KLF8: variants seen among roughly 807,000 people sequenced by gnomAD.
The protein encoded by KLF8 is Krueppel-like factor 8.
A neutral mutation model predicts 18.2 loss-of-function variants in KLF8; 10 were observed. The observed-to-expected ratio is 0.55, with a 90% confidence interval of 0.34 to 0.93. The LOEUF is 0.93. Ranked by LOEUF, KLF8 falls within the 40% of genes least tolerant of loss-of-function variation. KLF8 has a pLI of 0.02. For synonymous variants in KLF8, 109 were observed against 97.3 expected (o/e 1.12, Z -0.71); for missense variants, 264 against 277.9 (o/e 0.95, Z 0.36).
chrX:56,047,901 G>A, the KLF8 span, among the ~76,000 whole-genome samples: 30 of 111,431 alleles, frequency 2.7e-4, no homozygotes, highest in African/African-American at 7.5e-4. Flanking sequence ...AAGTGTTCCT[G>A]TTTCTCCACA....
rs1043445317 is a variant in KLF8, at chrX:56,254,326, C to G, written c.81+4022C>G. 3.6e-5 allele frequency among the ~76,000 whole-genome samples: 4 copies of G among 111,758 alleles called. No homozygotes were observed. The East Asian group carries it at 1.1e-3, about 32-fold the overall frequency. Reference sequence around the variant, plus strand: ...CCCTTGTGGGAGGGGAATCACAGGTCAGTGGGTGCAGGAGCTGGGGTGAGT... The same window carrying G: ...CCCTTGTGGGAGGGGAATCACAGGTGAGTGGGTGCAGGAGCTGGGGTGAGT... On this transcript the variant is annotated intron_variant, in intron 2 of 5. Coordinates refer to ENST00000468660, the MANE Select transcript of KLF8 (RefSeq NM_007250.5).
upstream of KLF8, among the ~76,000 whole-genome samples, chrX:56,230,686 T>C (rs1160097916): frequency 8.9e-6 from 1 of 111,844 alleles, no homozygotes; most frequent in Non-Finnish European, 1.9e-5. Flanking sequence ...AATGAGTTAA[T>C]ATACATAAGA....
the KLF8 span, among the ~76,000 whole-genome samples, chrX:56,034,748 C>CTT: frequency 0.059 from 3,150 of 53,561 alleles, 348 homozygotes; most frequent in African/African-American, 0.15. Flanking sequence ...GAACTTATTT[C>CTT]TTTTTTTTTT....
the KLF8 span, among the ~76,000 whole-genome samples, chrX:56,132,249 C>T: frequency 9.0e-6 from 1 of 111,575 alleles, no homozygotes; most frequent in African/African-American, 3.3e-5. Context: ...TAAAATAAGT[C>T]TCATTAAATT....
At chrX:56,281,654 G>GTGC (rs1408132231) in intron 5 of KLF8, among the ~76,000 whole-genome samples, 1 of 111,610 alleles carries the variant, frequency 9.0e-6, no homozygotes, top group Non-Finnish European at 1.9e-5. Flanking sequence ...AGTGATCCAT[G>GTGC]TGCCTCAGCC....
At chrX:55,969,194 C>T in the KLF8 span, among the ~76,000 whole-genome samples, 1 of 111,727 alleles carries the variant, frequency 9.0e-6, no homozygotes, top group Non-Finnish European at 1.9e-5. Flanking sequence ...ATGGATAGGC[C>T]ATATGTTAGG....
At chrX:56,201,322 G>A in the KLF8 span, among the ~76,000 whole-genome samples, 1 of 111,963 alleles carries the variant, frequency 8.9e-6, no homozygotes. Flanking sequence ...CATGGATGGA[G>A]CTGGAGGATA....
At chrX:56,093,616 G>A in the KLF8 span, among the ~76,000 whole-genome samples, 2 of 110,382 alleles carry the variant, frequency 1.8e-5, no homozygotes, top group African/African-American at 3.3e-5. Context: ...TTAAAAAAAA[G>A]GAGTATTAGA....
chrX:55,940,430 G>A, the KLF8 span, among the ~76,000 whole-genome samples: 6 of 111,568 alleles, frequency 5.4e-5, no homozygotes, highest in African/African-American at 2.0e-4. Context: ...CATATTGAAT[G>A]GACAAAAACT....
chrX:56,280,923 G>A (rs763580539), intron 5 of KLF8, among the ~76,000 whole-genome samples: 13 of 112,036 alleles, frequency 1.2e-4, no homozygotes, highest in African/African-American at 3.6e-4. Flanking sequence ...TACCCCAGTA[G>A]GCTCCTAGTC....
chrX:56,254,365 G>A (rs1053162284), intron 2 of KLF8, among the ~76,000 whole-genome samples: 6 of 111,430 alleles, frequency 5.4e-5, no homozygotes, highest in African/African-American at 2.0e-4. Context: ...TTTGGGCACC[G>A]GCAGGAGCAA....
At chrX:56,197,169 A>G in the KLF8 span, among the ~76,000 whole-genome samples, 3 of 111,377 alleles carry the variant, frequency 2.7e-5, no homozygotes, top group Admixed American at 9.6e-5. Context: ...ACACCCTAAC[A>G]TCACAGTTAA....
At chrX:56,051,103 T>G in the KLF8 span, among the ~76,000 whole-genome samples, 10 of 110,903 alleles carry the variant, frequency 9.0e-5, no homozygotes, top group African/African-American at 3.0e-4. Flanking sequence ...CTGCCTTTTT[T>G]TGTTTTCCAT....
At chrX:56,067,084 GTTAAA>G in the KLF8 span, among the ~76,000 whole-genome samples, 2 of 108,340 alleles carry the variant, frequency 1.8e-5, no homozygotes, top group Non-Finnish European at 3.8e-5. Flanking sequence ...TCTTTTTTCT[GTTAAA>G]TTTCAGCATT....
At chrX:56,134,517 A>T in the KLF8 span, among the ~76,000 whole-genome samples, 4 of 112,097 alleles carry the variant, frequency 3.6e-5, no homozygotes, top group African/African-American at 1.3e-4. Context: ...GTCATGATGG[A>T]TCAATAACTT....
the KLF8 span, among the ~76,000 whole-genome samples, chrX:55,916,036 G>A: frequency 8.9e-5 from 10 of 112,009 alleles, no homozygotes; most frequent in African/African-American, 1.3e-4. Flanking sequence ...CACATGAACA[G>A]GTACTGGTTC....
the KLF8 span, among the ~76,000 whole-genome samples, chrX:56,152,578 G>T: frequency 9.0e-6 from 1 of 111,228 alleles, no homozygotes; most frequent in Non-Finnish European, 1.9e-5. Flanking sequence ...ATTTTCCAAA[G>T]GTAATATATT....
chrX:56,228,734 G>T (rs945773319), upstream of KLF8, among the ~76,000 whole-genome samples: 1 of 111,543 alleles, frequency 9.0e-6, no homozygotes, highest in African/African-American at 3.3e-5. Context: ...CAACATTAGC[G>T]GAGGGGCAAA....
At chrX:56,038,185 C>T in the KLF8 span, among the ~76,000 whole-genome samples, 3 of 112,153 alleles carry the variant, frequency 2.7e-5, no homozygotes, top group Non-Finnish European at 5.6e-5. Context: ...GAATAGTACT[C>T]CATTGTGTAT....
Sources: gnomAD v4.1 joint callset for allele counts (sites outside exome capture counted in the v4.1 genomes callset) on GRCh38, gnomAD v4.1.1 for gene constraint, MANE v1.5 for transcripts, NCBI Gene and HGNC (gene_info 2026-07-23, HGNC 2026-07-21) for gene names.